The following APOO variants were observed in gnomAD, a reference collection of about 807,000 sequenced individuals.
APOO encodes the protein apolipoprotein O.
APOO carries 11 observed loss-of-function variants against 23.1 expected under a neutral mutation model. The observed-to-expected ratio is 0.48, with a 90% CI of 0.30 to 0.79. The LOEUF (loss-of-function observed/expected upper bound fraction) is 0.79, where lower values mean the gene tolerates loss of function less well. Ranked by LOEUF, APOO falls within the 30% of genes least tolerant of loss-of-function variation. APOO has a pLI of 0.07. For missense variants in APOO, 160 were observed against 142.7 expected (o/e 1.12, Z -0.62); for synonymous variants, 59 against 54.8 (o/e 1.08, Z -0.34).
At chrX:23,894,513 C>T (rs1413969865) in intron 1 of APOO, among the ~76,000 whole-genome samples, 1 of 112,077 alleles carries the variant, frequency 8.9e-6, no homozygotes, top group Admixed American at 9.5e-5. Flanking sequence ...AAATCAGTCT[C>T]GGCCAGGCGC....
At chrX:23,857,074 C>T (rs979572713) in intron 6 of APOO, among the ~76,000 whole-genome samples, 13 of 110,151 alleles carry the variant, frequency 1.2e-4, no homozygotes, top group African/African-American at 4.3e-4. Context: ...GAACAGAGAC[C>T]GAGGCCTACT....
At chrX:23,877,906 A>ATATG (rs1236036524) in intron 3 of APOO, among the ~76,000 whole-genome samples, 5 of 112,370 alleles carry the variant, frequency 4.4e-5, no homozygotes, top group Non-Finnish European at 9.4e-5. Flanking sequence ...TACAACAAAC[A>ATATG]TATGTATCAA....
chrX:23,871,008 G>T lies in APOO; in HGVS notation c.293-2320C>A, dbSNP rs747919619. On this transcript the variant is annotated intron_variant, in intron 4 of 8. Transcript: ENST00000379226. ...GGAGGCTGAGGCAGGAGAATCGCTT[G>T]AACCTGGGAGGCAGAGGTTGCAGTG... 3.7e-5 allele frequency among the ~76,000 whole-genome samples: 4 copies of T among 107,238 alleles called. No individual in the cohort carries two copies. The East Asian group carries it at 1.2e-3, about 32-fold the overall frequency. The allele number at this position is 107,238 out of a possible 115,157, so 93.1% of individuals were successfully genotyped here. A position where few individuals can be genotyped will look rare whatever the true frequency, so the allele number is the denominator to read the frequency against.
intron 1 of APOO, among the ~76,000 whole-genome samples, chrX:23,896,964 T>TA (rs1473185452): frequency 1.8e-5 from 2 of 110,831 alleles, no homozygotes; most frequent in Non-Finnish European, 3.8e-5. Flanking sequence ...CAAACAACAT[T>TA]AAAAAAACTC....
intron 1 of APOO, among the ~76,000 whole-genome samples, chrX:23,883,073 T>C (rs1230417809): frequency 9.0e-6 from 1 of 110,990 alleles, no homozygotes; most frequent in Non-Finnish European, 1.9e-5. Flanking sequence ...AGCGAGACCC[T>C]GTCTCAAAAA....
At chrX:23,843,656 C>T (rs1445949776) in intron 7 of APOO, among the ~76,000 whole-genome samples, 7 of 99,203 alleles carry the variant, frequency 7.1e-5, no homozygotes, top group Non-Finnish European at 1.0e-4. Flanking sequence ...GCAATCTCAG[C>T]TCACGTAACC....
At position 23,907,716 on chromosome X, in the gene APOO, G is replaced by A. The variant is rs905339955; in HGVS notation, c.-14C>T. The A allele has an allele frequency of 1.7e-6, 2 of 1,158,851 alleles. No homozygotes were observed. The highest frequency in any genetic ancestry group is 1.8e-5 in the African/African-American group (1 of 55,571). On this transcript the variant is annotated 5_prime_UTR_variant, in exon 1 of 9. Coordinates refer to ENST00000379226, the MANE Select transcript of APOO (RefSeq NM_024122.5). ...CACCTTGAACATGTCGCTGGCAGCGGAGGCTCCGGCAGGGTCACCCCGGCC... is the reference window on the plus strand; with the variant it reads ...CACCTTGAACATGTCGCTGGCAGCGAAGGCTCCGGCAGGGTCACCCCGGCC...
chrX:23,904,588 C>A (rs1304294744), intron 1 of APOO, among the ~76,000 whole-genome samples: 3 of 105,270 alleles, frequency 2.8e-5, no homozygotes, highest in Non-Finnish European at 5.9e-5. Context: ...CTCACTGCAA[C>A]CTCCGCCTCC....
intron 7 of APOO, among the ~76,000 whole-genome samples, chrX:23,842,897 G>A (rs745578082): frequency 2.7e-4 from 30 of 111,555 alleles, no homozygotes; most frequent in Admixed American, 1.8e-3. Context: ...AATCCCAGCT[G>A]CTCGGGAGGC....
chrX:23,866,015 T>C (rs1258170656), intron 5 of APOO, among the ~76,000 whole-genome samples: 1 of 111,023 alleles, frequency 9.0e-6, no homozygotes, highest in Non-Finnish European at 1.9e-5. Flanking sequence ...CCATCTCCAA[T>C]CCTCCTTAGG....
chrX:23,852,258 T>C (rs1024322279), intron 7 of APOO, among the ~76,000 whole-genome samples: 5 of 110,411 alleles, frequency 4.5e-5, no homozygotes, highest in Non-Finnish European at 3.8e-5. Flanking sequence ...CCACAGTTTC[T>C]CTGACTATGT....
intron 8 of APOO, chrX:23,836,821 A>G (rs1315229625): frequency 9.5e-7 from 1 of 1,049,419 alleles, no homozygotes; most frequent in Admixed American, 2.8e-5. Context: ...CTTGTTTTTA[A>G]CTGTTGTGGC....
intron 8 of APOO, among the ~76,000 whole-genome samples, chrX:23,834,395 C>CAAAA (rs1215835629): frequency 6.3e-5 from 2 of 31,906 alleles, no homozygotes; most frequent in African/African-American, 1.0e-4. Context: ...AACTCTGTCT[C>CAAAA]AAAAAAAAAA....
At chrX:23,872,920 G>A (rs1247782488) in intron 4 of APOO, among the ~76,000 whole-genome samples, 1 of 109,069 alleles carries the variant, frequency 9.2e-6, no homozygotes, top group Non-Finnish European at 1.9e-5. Flanking sequence ...GTGTGGTGGC[G>A]TGTGCCTGCA....
chrX:23,856,231 A>G, intron 7 of APOO, 71 bp downstream of exon 7: 1 of 1,012,652 alleles, frequency 9.9e-7, no homozygotes, highest in East Asian at 3.1e-5. Context: ...GGGTTATCAA[A>G]TATTTTACAA....
At chrX:23,907,592 G>A (rs961624136) in intron 1 of APOO, 102 bp downstream of exon 1, 174 of 908,114 alleles carry the variant, frequency 1.9e-4, no homozygotes, top group Non-Finnish European at 1.9e-4. Flanking sequence ...AAGCCTCGGG[G>A]TGAGCCAGGC....
intron 6 of APOO, among the ~76,000 whole-genome samples, chrX:23,857,813 A>G (rs1484036203): frequency 1.8e-5 from 2 of 111,319 alleles, no homozygotes; most frequent in Non-Finnish European, 3.8e-5. Flanking sequence ...CACCATCTCT[A>G]GAGTCCCACT....
At chrX:23,847,834 CAT>C (rs1157930002) in intron 7 of APOO, among the ~76,000 whole-genome samples, 6 of 103,820 alleles carry the variant, frequency 5.8e-5, no homozygotes, top group Non-Finnish European at 7.8e-5. Context: ...CACACACACA[CAT>C]ATATATCCAT....
At chrX:23,897,030 C>T (rs917260293) in intron 1 of APOO, among the ~76,000 whole-genome samples, 2 of 111,536 alleles carry the variant, frequency 1.8e-5, no homozygotes, top group African/African-American at 6.5e-5. Context: ...TTCTTTAGTT[C>T]TGTACTACAG....
Sources: allele counts gnomAD v4.1 joint callset (sites outside exome capture counted in the v4.1 genomes callset), GRCh38; gene constraint gnomAD v4.1.1; transcripts MANE v1.5; gene names NCBI Gene and HGNC (gene_info 2026-07-23, HGNC 2026-07-21).